Variants in ADARB1 observed in about 807,000 individuals in gnomAD.
ADARB1 encodes double-stranded RNA-specific editase 1.
Under a neutral mutation model 52.4 loss-of-function variants are expected in ADARB1, and 10 were observed. The observed-to-expected ratio is 0.19, with a 90% CI of 0.12 to 0.32. The LOEUF is 0.32. Ranked by LOEUF, ADARB1 falls within the 10% of genes least tolerant of loss-of-function variation. ADARB1 has a pLI of 1.00. For synonymous variants in ADARB1, 349 were observed against 371.1 expected, an observed-to-expected ratio of 0.94 and a Z score of 0.68; for missense variants, 643 against 922.3, an observed-to-expected ratio of 0.70 and a Z score of 3.92.
At position 45,085,428 on chromosome 21, in the gene ADARB1, T is replaced by G. The variant is rs189537051; in HGVS notation, c.-220+10635T>G. Among the ~76,000 whole-genome samples the G allele has an allele frequency of 1.3e-3, 196 of 152,350 alleles. 1 individual carries two copies. Among genetic ancestry groups the G allele is most frequent in the Admixed American group, 2.0e-3 (31 of 15,306 alleles). ...TAAGCATAAATAGTGTGAAGTCGATTTAAACAGAGGTTACAGTTTCCAGAA... is the reference window on the plus strand; with the variant it reads ...TAAGCATAAATAGTGTGAAGTCGATGTAAACAGAGGTTACAGTTTCCAGAA... On this transcript the variant is annotated intron_variant, in intron 1 of 10. Transcript: ENST00000348831.
chr21:45,181,029 A>G (rs1467601998), intron 5 of ADARB1, among the ~76,000 whole-genome samples: 3 of 152,206 alleles, frequency 2.0e-5, no homozygotes, highest in Admixed American at 2.0e-4. Flanking sequence ...GGGAAGCCAC[A>G]TCCTTGGCCA....
At chr21:45,215,055 T>G (rs550420800) in intron 9 of ADARB1, among the ~76,000 whole-genome samples, 83 of 152,198 alleles carry the variant, frequency 5.5e-4, no homozygotes, top group African/African-American at 1.9e-3. Context: ...TTATTGCTGT[T>G]TTTTGTTTTA....
chr21:45,111,058 G>A (rs575185318), intron 1 of ADARB1, among the ~76,000 whole-genome samples: 6 of 152,224 alleles, frequency 3.9e-5, no homozygotes, highest in Non-Finnish European at 5.9e-5. Context: ...GAAGCGTTAC[G>A]CAAGCAGGAA....
chr21:45,107,983 C>T (rs990091568), intron 1 of ADARB1, among the ~76,000 whole-genome samples: 9 of 152,050 alleles, frequency 5.9e-5, no homozygotes, highest in African/African-American at 2.2e-4. Flanking sequence ...ATCACTTGAG[C>T]CCAGGAGGTT....
intron 1 of ADARB1, among the ~76,000 whole-genome samples, chr21:45,082,357 T>C (rs1342712311): frequency 6.6e-6 from 1 of 152,242 alleles, no homozygotes; most frequent in Non-Finnish European, 1.5e-5. Context: ...CTATTAAATA[T>C]GTATCACTTT....
At chr21:45,161,571 A>G (rs1020878506) in intron 2 of ADARB1, among the ~76,000 whole-genome samples, 1 of 152,264 alleles carries the variant, frequency 6.6e-6, no homozygotes, top group African/African-American at 2.4e-5. Flanking sequence ...AGGGAAGCAC[A>G]GCGCAGGCCT....
At chr21:45,183,253 G>T in intron 6 of ADARB1, 109 bp from the exon 7 acceptor site, 1 of 1,091,348 alleles carries the variant, frequency 9.2e-7, no homozygotes, top group South Asian at 1.8e-5. Context: ...AAATATTCCA[G>T]TTCAAACTTA....
intron 2 of ADARB1, among the ~76,000 whole-genome samples, chr21:45,129,366 G>A (rs555322751): frequency 1.3e-5 from 2 of 152,336 alleles, no homozygotes; most frequent in South Asian, 2.1e-4. Context: ...ATTTACTTAT[G>A]AGCAGCTGAG....
chr21:45,176,010 C>G lies in ADARB1; in HGVS notation c.309C>G (p.Pro103=), dbSNP rs115658841. 1 of 1,614,042 alleles carries G rather than the reference C, an allele frequency of 6.2e-7. No homozygotes were observed. The highest frequency in any genetic ancestry group is 1.3e-5 in the African/African-American group (1 of 74,908). Residue 103 remains proline, a synonymous_variant, in exon 4 of 11, where the codon CCC becomes CCG. Coordinates refer to ENST00000348831, the MANE Select transcript of ADARB1 (RefSeq NM_001112.4). This position sits in a 1 kb window ranked among gnomAD's most constrained non-coding sequence, Gnocchi z 5.8. ...ACACACTCCTGTCCCAGACTGGGCC[C>G]GTGCACGCGCCTTTGTTTGTCATGT... ...LQYTLLSQTG[P]VHAPLFVMSV...
chr21:45,136,576 G>T (rs758395212), intron 2 of ADARB1, among the ~76,000 whole-genome samples: 2 of 152,246 alleles, frequency 1.3e-5, no homozygotes, highest in African/African-American at 2.4e-5. Context: ...GCCCCTGTGG[G>T]GAGGCACTGA....
At chr21:45,112,171 G>A (rs1389553768) in intron 1 of ADARB1, among the ~76,000 whole-genome samples, 1 of 152,184 alleles carries the variant, frequency 6.6e-6, no homozygotes, top group Non-Finnish European at 1.5e-5. Context: ...CTGTCATCAG[G>A]GAAGGAGCAG....
In ADARB1 at chr21:45,223,079, TCACGAGGGCTACTG is replaced by T; in HGVS notation, c.*886_*899del. On this transcript the variant is annotated 3_prime_UTR_variant, in exon 11 of 11. Transcript: ENST00000348831. ...TTTAACTTTTATGGACTAGAAGGAA[TCACGAGGGCTACTG>T]CACAATACATGGCCTAAGTTCCCTC... The T allele has an allele frequency of 1.0e-6, 1 of 985,450 alleles. No individual in the cohort carries two copies. Among genetic ancestry groups the T allele is most frequent in the Non-Finnish European group, 1.2e-6 (1 of 829,916 alleles). 61.0% of individuals were successfully genotyped at this position (985,450 alleles called of 1,614,324 possible). A position where few individuals can be genotyped will look rare whatever the true frequency, so the allele number is the denominator to read the frequency against.
At chr21:45,182,507 G>C (rs1340975878) in intron 5 of ADARB1, 78 bp from the exon 6 acceptor site, 6 of 1,472,248 alleles carry the variant, frequency 4.1e-6, no homozygotes, top group Non-Finnish European at 5.5e-6. Flanking sequence ...CTGAGAATAA[G>C]AGTCAGACTT....
At chr21:45,137,623 G>T (rs2089466689) in intron 2 of ADARB1, among the ~76,000 whole-genome samples, 2 of 152,244 alleles carry the variant, frequency 1.3e-5, no homozygotes, top group South Asian at 4.1e-4. Flanking sequence ...GATGGAGCTT[G>T]GCCTCTGCCT....
intron 1 of ADARB1, chr21:45,118,702 A>C (rs1017971964): frequency 3.3e-5 from 5 of 152,140 alleles, no homozygotes; most frequent in Non-Finnish European, 7.3e-5. Context: ...CTAAACCCGG[A>C]TCTGCTTCTC....
At chr21:45,113,845 G>T (rs559595664) in intron 1 of ADARB1, among the ~76,000 whole-genome samples, 5 of 152,254 alleles carry the variant, frequency 3.3e-5, no homozygotes, top group African/African-American at 1.2e-4. Flanking sequence ...CTTTCTGAAT[G>T]TTTCAGATAT....
intron 6 of ADARB1, among the ~76,000 whole-genome samples, chr21:45,183,046 T>C (rs1345700036): frequency 3.3e-5 from 5 of 152,228 alleles, no homozygotes; most frequent in Non-Finnish European, 4.4e-5. Context: ...GTAAAGATGG[T>C]AATTTTTATT....
At chr21:45,151,916 T>A (rs1312389608) in intron 2 of ADARB1, among the ~76,000 whole-genome samples, 1 of 152,230 alleles carries the variant, frequency 6.6e-6, no homozygotes, top group African/African-American at 2.4e-5. Flanking sequence ...CCCTTGGCTG[T>A]GTGTCATTCA....
At chr21:45,120,878 A>G (rs1334355257) in intron 1 of ADARB1, 1 of 152,234 alleles carries the variant, frequency 6.6e-6, no homozygotes, top group Non-Finnish European at 1.5e-5. Context: ...TGAGAAATCT[A>G]AGTTAAAGAA....
Sources: gnomAD v4.1 joint callset for allele counts (sites outside exome capture counted in the v4.1 genomes callset) on GRCh38, gnomAD v4.1.1 for gene constraint, Gnocchi (gnomAD v3.1) non-coding constraint, MANE v1.5 for transcripts, NCBI Gene and HGNC (gene_info 2026-07-23, HGNC 2026-07-21) for gene names.